The following NHSL2 variants were observed in gnomAD, a reference collection of about 807,000 sequenced individuals.
The protein encoded by NHSL2 is NHS-like protein 2.
A neutral mutation model predicts 53.4 loss-of-function variants in NHSL2; 27 were observed. The ratio of observed to expected loss-of-function variants is 0.51; its 90% CI spans 0.37 to 0.70. The LOEUF (loss-of-function observed/expected upper bound fraction) is 0.70. Ranked by LOEUF, NHSL2 falls within the 30% of genes least tolerant of loss-of-function variation. The pLI is 0.00. For missense variants in NHSL2, 892 were observed against 980.1 expected, an observed-to-expected ratio of 0.91 and a Z score of 1.20; for synonymous variants, 408 against 404.1, an observed-to-expected ratio of 1.01 and a Z score of -0.12.
At chrX:71,974,099 A>C (rs868703697) in intron 1 of NHSL2, among the ~76,000 whole-genome samples, 1 of 112,324 alleles carries the variant, frequency 8.9e-6, no homozygotes, top group African/African-American at 3.2e-5. Flanking sequence ...AAATTTCCAG[A>C]GACTTTAAAT....
intron 1 of NHSL2, among the ~76,000 whole-genome samples, chrX:71,926,220 GA>G (rs948931856): frequency 3.6e-5 from 4 of 111,579 alleles, no homozygotes; most frequent in African/African-American, 1.3e-4. Flanking sequence ...TTCTATTTGA[GA>G]AATGAAAAAA....
Position 72,139,428 on chromosome X carries a change from A to G in NHSL2, c.1880A>G (p.Lys627Arg). The change falls in exon 6 of 8, where the codon AAA (lysine) becomes AGA (arginine). Residue 627 changes from lysine (K) to arginine (R), a missense_variant. Physicochemically the swap from Lys to Arg is conservative, Grantham distance 26. Coordinates refer to ENST00000633930, the MANE Select transcript of NHSL2 (RefSeq NM_001013627.3). ...GGTCACCCAGCTATTCCAAACCACA[A>G]AGATCCAGAAAGTACACAATTCTCC... ...AQGHPAIPNH[K>R]DPESTQFSHH... 8.3e-7 allele frequency: 1 copy of G among 1,210,452 alleles called. No homozygotes were observed. The highest frequency in any genetic ancestry group is 1.1e-6 in the Non-Finnish European group (1 of 894,897).
In NHSL2 at chrX:72,133,051, A is replaced by G. The variant is rs767493338; in HGVS notation, c.436+817A>G. 2.7e-5 allele frequency among the ~76,000 whole-genome samples: 3 copies of G among 112,777 alleles called. No individual in the cohort carries two copies. In the South Asian group the frequency reaches 1.1e-3, roughly 41 times the overall value. ...GGGACACCATGAGCCTTGTGTTCAG[A>G]TAACAAAGGACTTGCCACACAGAAA... On this transcript the variant is annotated intron_variant, in intron 2 of 7. Coordinates refer to ENST00000633930, the MANE Select transcript of NHSL2 (RefSeq NM_001013627.3).
intron 1 of NHSL2, among the ~76,000 whole-genome samples, chrX:72,111,836 A>G (rs143364090): frequency 0.037 from 4,093 of 111,702 alleles, 193 homozygotes; most frequent in African/African-American, 0.13. Context: ...TGACCAAGAC[A>G]GACAAGATCC....
chrX:72,024,017 A>C (rs1242819142), intron 1 of NHSL2, among the ~76,000 whole-genome samples: 4 of 111,266 alleles, frequency 3.6e-5, no homozygotes, highest in Admixed American at 9.5e-5. Flanking sequence ...CCTGAGGGAG[A>C]GGAATCTTGG....
At chrX:72,033,437 TG>T (rs1236141943) in intron 1 of NHSL2, among the ~76,000 whole-genome samples, 3 of 111,906 alleles carry the variant, frequency 2.7e-5, no homozygotes, top group Non-Finnish European at 3.8e-5. Context: ...CACCCACCTT[TG>T]GGTCCCAAAG....
rs2042473696 is a variant in NHSL2 at position 72,147,543 on chromosome X, T to C, written c.*3969T>C. On this transcript the variant is annotated 3_prime_UTR_variant, in exon 8 of 8. Transcript: ENST00000633930. ...TTGTGTGCCTATACATTAAAGAATC[T>C]TTAATAGTGTTAATATCGGAAAACA... The C allele has an allele frequency of 1.8e-5, 2 of 112,435 alleles. No individual in the cohort carries two copies. Among genetic ancestry groups the C allele is most frequent in the South Asian group, 7.3e-4 (2 of 2,730 alleles). 9.3% of individuals were successfully genotyped at this position (112,435 alleles called of 1,213,427 possible). A position where few individuals can be genotyped will look rare whatever the true frequency, so the allele number is the denominator to read the frequency against.
At chrX:71,915,693 C>T (rs748503906) in intron 1 of NHSL2, among the ~76,000 whole-genome samples, 2 of 111,513 alleles carry the variant, frequency 1.8e-5, no homozygotes, top group East Asian at 5.6e-4. Flanking sequence ...AATGTGGTAC[C>T]GGCTGGGTCA....
intron 1 of NHSL2, among the ~76,000 whole-genome samples, chrX:72,094,008 C>T (rs2041924178): frequency 1.8e-5 from 2 of 111,095 alleles, no homozygotes; most frequent in Admixed American, 1.9e-4. Flanking sequence ...TCTGAAACTC[C>T]TGACCTCAGG....
At chrX:71,979,612 GT>G (rs1269540436) in intron 1 of NHSL2, among the ~76,000 whole-genome samples, 12 of 112,007 alleles carry the variant, frequency 1.1e-4, no homozygotes, top group Non-Finnish European at 2.3e-4. Flanking sequence ...GGGGTTGTTT[GT>G]TTTTTTCTTG....
intron 1 of NHSL2, among the ~76,000 whole-genome samples, chrX:72,064,544 T>C (rs1219162277): frequency 8.9e-6 from 1 of 112,186 alleles, no homozygotes; most frequent in South Asian, 3.7e-4. Context: ...GGGTAGTTCT[T>C]GTCCCAGCTC....
At chrX:72,084,651 A>T (rs746011691) in intron 1 of NHSL2, among the ~76,000 whole-genome samples, 2 of 112,253 alleles carry the variant, frequency 1.8e-5, no homozygotes, top group Admixed American at 1.9e-4. Context: ...AGCCAGCAGC[A>T]GTTCCGCGGC....
intron 1 of NHSL2, among the ~76,000 whole-genome samples, chrX:72,123,899 G>A (rs1452981420): frequency 1.8e-5 from 2 of 111,427 alleles, no homozygotes; most frequent in East Asian, 5.7e-4. Flanking sequence ...GGCAGGAAGG[G>A]GAGAGGGGAC....
intron 1 of NHSL2, among the ~76,000 whole-genome samples, chrX:71,921,447 A>G (rs965370758): frequency 9.1e-6 from 1 of 109,682 alleles, no homozygotes; most frequent in African/African-American, 3.3e-5. Context: ...AGAGAGAGAG[A>G]ACATAGGAAA....
At position 72,132,173 on chromosome X, in the gene NHSL2, G is replaced by A. The variant is rs906688140; in HGVS notation, c.375G>A (p.Arg125=). 2 of 1,166,391 alleles carry A rather than the reference G, an allele frequency of 1.7e-6. No homozygotes were observed. Among genetic ancestry groups the A allele is most frequent in the Non-Finnish European group, 2.3e-6 (2 of 872,012 alleles). Residue 125 remains arginine (R), a synonymous_variant, in exon 2 of 8, where the codon AGG becomes AGA. Transcript: ENST00000633930. ...TGAACGTGTTCCTCTCCTCGGGCAG[G>A]CCCCCGAGTGTAGAGGAGCTGCTTC... ...QPVNVFLSSG[R]PPSVEELLRE...
At chrX:71,939,478 T>C (rs1330371899) in intron 1 of NHSL2, among the ~76,000 whole-genome samples, 2 of 111,991 alleles carry the variant, frequency 1.8e-5, no homozygotes, top group Non-Finnish European at 3.8e-5. Flanking sequence ...CTCAGGCACA[T>C]TTAGAAGAAA....
At position 72,143,738 on chromosome X, in the gene NHSL2, T is replaced by G. The variant is rs2042438728; in HGVS notation, c.*164T>G. The G allele has an allele frequency of 1.2e-5, 5 of 403,010 alleles. No homozygotes were observed. In the East Asian group the frequency reaches 2.0e-4, roughly 16 times the overall value. The allele number at this position is 403,010 out of a possible 1,213,427, so 33.2% of individuals were successfully genotyped here. ...GAGGCTACTTCATCTAGAGCTAAAA[T>G]CATCTGGCACTTAATCATCTTCAGA... On this transcript the variant is annotated 3_prime_UTR_variant, in exon 8 of 8. Transcript: ENST00000633930.
chrX:72,104,552 T>C (rs1302434313), intron 1 of NHSL2, among the ~76,000 whole-genome samples: 6 of 111,501 alleles, frequency 5.4e-5, no homozygotes, highest in Non-Finnish European at 9.4e-5. Context: ...TCTGCTCACA[T>C]TGAGGGGATG....
At chrX:72,123,407 G>T (rs2042196273) in intron 1 of NHSL2, among the ~76,000 whole-genome samples, 2 of 112,039 alleles carry the variant, frequency 1.8e-5, no homozygotes, top group Non-Finnish European at 3.8e-5. Context: ...GAGCAGCAAG[G>T]CCAGGTGTGT....
Sources: allele counts gnomAD v4.1 joint callset (sites outside exome capture counted in the v4.1 genomes callset), GRCh38; gene constraint gnomAD v4.1.1; transcripts MANE v1.5; gene names NCBI Gene and HGNC (gene_info 2026-07-23, HGNC 2026-07-21).